The following EPN1 variants were observed in gnomAD, a reference collection of about 807,000 sequenced individuals.
EPN1 encodes epsin 1.
EPN1 carries 25 observed loss-of-function variants against 56.9 expected under a neutral mutation model. The observed-to-expected ratio is 0.44, with a 90% CI of 0.32 to 0.61. The LOEUF is 0.61. Ranked by LOEUF, EPN1 falls within the 20% of genes least tolerant of loss-of-function variation. The pLI is 0.05. For missense variants in EPN1, 785 were observed against 823.7 expected, an observed-to-expected ratio of 0.95 and a Z score of 0.58; for synonymous variants, 411 against 361.8, an observed-to-expected ratio of 1.14 and a Z score of -1.54.
In EPN1 at chr19:55,691,667, G is replaced by A. The variant is rs544896089; in HGVS notation, c.763-87G>A. 18 of 1,248,536 alleles carry A rather than the reference G, an allele frequency of 1.4e-5. No homozygotes were observed. Among genetic ancestry groups the A allele is most frequent in the South Asian group, 8.0e-5 (6 of 75,170 alleles). The allele number at this position is 1,248,536 out of a possible 1,614,324, so 77.3% of individuals were successfully genotyped here. ...CTGTCTGGACACCCAGGGCCTGGCC[G>A]CCTCCCCCGCCACGGGCCCCAGCTT... On this transcript the variant is annotated intron_variant, in intron 6 of 10. Coordinates refer to ENST00000270460, the MANE Select transcript of EPN1 (RefSeq NM_001130072.2). This position sits in a 1 kb window ranked among gnomAD's most constrained non-coding sequence, Gnocchi z 5.6.
chr19:55,681,870 C>T lies in EPN1; in HGVS notation c.228+3015C>T, dbSNP rs116983626. ...TAGCCCAGGCTGGAATCCAGCAGTA[C>T]AGTCATAGCTCACTGAGCCTTGACC... is the stretch of plus-strand genomic sequence containing the variant. On this transcript the variant is annotated intron_variant, in intron 2 of 10. Coordinates refer to ENST00000270460, the MANE Select transcript of EPN1 (RefSeq NM_001130072.2). 8.9e-4 allele frequency among the ~76,000 whole-genome samples: 135 copies of T among 151,890 alleles called. 4 individuals are homozygous for T. In the East Asian group the frequency reaches 0.026, roughly 29 times the overall value.
chr19:55,694,948 C>T lies in EPN1; in HGVS notation c.1487C>T (p.Pro496Leu). The T allele has an allele frequency of 1.3e-6, 2 of 1,559,448 alleles. No individual in the cohort carries two copies. Among genetic ancestry groups the T allele is most frequent in the Non-Finnish European group, 1.7e-6 (2 of 1,152,716 alleles). ...SLVSRPGPTP[P>L]GAKASNPFLP... ...GTGAGCCGGCCGGGCCCCACGCCGCCTGGAGCCAAGGCCTCCAACCCCTTC... is the reference window on the plus strand; with the variant it reads ...GTGAGCCGGCCGGGCCCCACGCCGCTTGGAGCCAAGGCCTCCAACCCCTTC... The change falls in exon 10 of 11, where the codon CCT (proline) becomes CTT (leucine). Residue 496 changes from proline to leucine, a missense_variant. Coordinates refer to ENST00000270460, the MANE Select transcript of EPN1 (RefSeq NM_001130072.2). The surrounding 1 kb of genome is among the most constrained non-coding windows in gnomAD (Gnocchi z 4.2).
chr19:55,695,629 C>T lies in EPN1; in HGVS notation c.*273C>T. On this transcript the variant is annotated 3_prime_UTR_variant, in exon 11 of 11. Transcript: ENST00000270460. This position sits in a 1 kb window ranked among gnomAD's most constrained non-coding sequence, Gnocchi z 4.4. ...TGGCTGGGGCCCCCACCCATTCCCC[C>T]TCCCTCCAAACTCCCAACCCCCAGT... The T allele has an allele frequency of 2.1e-6, 1 of 481,980 alleles. No homozygotes were observed. The highest frequency in any genetic ancestry group is 3.4e-5 in the South Asian group (1 of 29,792). 29.9% of individuals were successfully genotyped at this position (481,980 alleles called of 1,614,324 possible). A position where few individuals can be genotyped will look rare whatever the true frequency, so the allele number is the denominator to read the frequency against.
intron 3 of EPN1, 27 bp downstream of exon 3, chr19:55,685,672 G>A (rs201734498): frequency 2.8e-5 from 44 of 1,572,504 alleles, no homozygotes; most frequent in Admixed American, 5.5e-5. Context: ...GGCCCCTGAC[G>A]GCCTAGAGTC....
chr19:55,686,966 G>A lies in EPN1; in HGVS notation c.478+1321G>A, dbSNP rs141967660. 9.2e-3 allele frequency among the ~76,000 whole-genome samples: 1,401 copies of A among 152,134 alleles called. 22 individuals are homozygous for A. Among genetic ancestry groups the A allele is most frequent in the African/African-American group, 0.03 (1,230 of 41,480 alleles). On this transcript the variant is annotated intron_variant, in intron 3 of 10. Coordinates refer to ENST00000270460, the MANE Select transcript of EPN1 (RefSeq NM_001130072.2). ...CAAGGCCAGAGCTAATGTCCTCTGC[G>A]TTGCTGGCCACGCCTTCCCATCCTA...
chr19:55,685,284 G>A, intron 2 of EPN1, 112 bp from the exon 3 acceptor site: 2 of 1,373,036 alleles, frequency 1.5e-6, no homozygotes, highest in Non-Finnish European at 9.9e-7. Context: ...CTGGCGACAG[G>A]TGGGTTGTGG....
Position 55,705,636 on chromosome 19 carries a change from A to C in EPN1, c.*10280A>C, listed in dbSNP as rs537939275. On this transcript the variant is annotated 3_prime_UTR_variant, in exon 11 of 11. Transcript: ENST00000270460. Reference sequence around the variant, plus strand: ...TGCACTCCAGCATGGACAACAGAGCAAGACCCTTTCTTAGAAAAAAGAAAA... The same window carrying C: ...TGCACTCCAGCATGGACAACAGAGCCAGACCCTTTCTTAGAAAAAAGAAAA... 6.6e-6 allele frequency: 1 copy of C among 152,244 alleles called. No homozygotes were observed. The highest frequency in any genetic ancestry group is 2.1e-4 in the South Asian group (1 of 4,822). The allele number at this position is 152,244 out of a possible 1,614,324, so 9.4% of individuals were successfully genotyped here.
Position 55,697,604 on chromosome 19 carries a change from T to C in EPN1, c.*2248T>C, listed in dbSNP as rs1395134825. The C allele has an allele frequency of 6.6e-6, 1 of 152,086 alleles. No individual in the cohort carries two copies. Among genetic ancestry groups the C allele is most frequent in the Non-Finnish European group, 1.5e-5 (1 of 68,016 alleles). 9.4% of individuals were successfully genotyped at this position (152,086 alleles called of 1,614,324 possible). ...AAAAACCCAGAGGCTTGCACATAAATTTGGGGCTTAACTACAGCATCTTCG... is the reference window on the plus strand; with the variant it reads ...AAAAACCCAGAGGCTTGCACATAAACTTGGGGCTTAACTACAGCATCTTCG... On this transcript the variant is annotated 3_prime_UTR_variant, in exon 11 of 11. Transcript: ENST00000270460.
In EPN1 at chr19:55,696,656, A is replaced by G. The variant is rs530467002; in HGVS notation, c.*1300A>G. On this transcript the variant is annotated 3_prime_UTR_variant, in exon 11 of 11. Transcript: ENST00000270460. ...GGCCAGACAGCTACATCACAGGGAC[A>G]CTTGTTATGGGTCGGGGTCCAGGGA... 6.6e-6 allele frequency: 1 copy of G among 152,434 alleles called. No individual in the cohort carries two copies. The highest frequency in any genetic ancestry group is 2.4e-5 in the African/African-American group (1 of 41,554). The allele number at this position is 152,434 out of a possible 1,614,324, so 9.4% of individuals were successfully genotyped here.
Position 55,707,048 on chromosome 19 carries a change from G to A in EPN1, c.*11692G>A, listed in dbSNP as rs1311392915. ...AAACAAAAACTAGCAGGGCATGGTG[G>A]CGCATGCCTGAAATCCCAGCTACTC... On this transcript the variant is annotated 3_prime_UTR_variant, in exon 11 of 11. Transcript: ENST00000270460. The A allele has an allele frequency of 6.6e-6, 1 of 152,206 alleles. No homozygotes were observed. 9.4% of individuals were successfully genotyped at this position (152,206 alleles called of 1,614,324 possible). A position where few individuals can be genotyped will look rare whatever the true frequency, so the allele number is the denominator to read the frequency against.
At chr19:55,677,590 C>T (rs1473704644) in intron 1 of EPN1, 2 of 1,549,176 alleles carry the variant, frequency 1.3e-6, no homozygotes, top group East Asian at 2.4e-5. Context: ...AGGTAATGTC[C>T]CTCTTGTGCT....
rs986000204 is a variant in EPN1, at chr19:55,694,656, C to T, written c.1265-70C>T. ...TCTTTGAAGCGCCCCCTATGATGGC[C>T]TATACTGCTCCCGGGTTGGAGCCTC... On this transcript the variant is annotated intron_variant, in intron 9 of 10. Coordinates refer to ENST00000270460, the MANE Select transcript of EPN1 (RefSeq NM_001130072.2). The surrounding 1 kb of genome is among the most constrained non-coding windows in gnomAD (Gnocchi z 4.2). 8 of 1,498,458 alleles carry T rather than the reference C, an allele frequency of 5.3e-6. No individual in the cohort carries two copies. In the African/African-American group the frequency reaches 8.4e-5, roughly 16 times the overall value. The allele number at this position is 1,498,458 out of a possible 1,614,324, so 92.8% of individuals were successfully genotyped here.
rs112836258 is a variant in EPN1 at position 55,706,668 on chromosome 19, G to GGGGAA, written c.*11322_*11326dup. ...GAAGGAAAAGGAAAGAAAGAAAAGA[G>GGGGAA]GGGAAGGGAAGGGAGAGATTTAAAA... is the stretch of plus-strand genomic sequence containing the variant. On this transcript the variant is annotated 3_prime_UTR_variant, in exon 11 of 11. Transcript: ENST00000270460. 60,256 of 149,384 alleles carry GGGGAA rather than the reference G, an allele frequency of 0.4. 13,684 individuals carry two copies. The highest frequency in any genetic ancestry group is 0.62 in the African/African-American group (24,666 of 40,096). 9.3% of individuals were successfully genotyped at this position (149,384 alleles called of 1,614,324 possible).
chr19:55,706,528 T>G lies in EPN1; in HGVS notation c.*11172T>G, dbSNP rs1156525051. 3 of 151,960 alleles carry G rather than the reference T, an allele frequency of 2.0e-5. No individual in the cohort carries two copies. The highest frequency in any genetic ancestry group is 7.3e-5 in the African/African-American group (3 of 41,314). 9.4% of individuals were successfully genotyped at this position (151,960 alleles called of 1,614,324 possible). On this transcript the variant is annotated 3_prime_UTR_variant, in exon 11 of 11. Coordinates refer to ENST00000270460, the MANE Select transcript of EPN1 (RefSeq NM_001130072.2). ...TTAGCCGGGCATGATGGCAGATGCC[T>G]GTAATCTCAGCTCCTCAGTAGGCTA... is the stretch of plus-strand genomic sequence containing the variant.
rs747616967 is a variant in EPN1, at chr19:55,709,096, A to G, written c.*13740A>G. 3 of 1,369,600 alleles carry G rather than the reference A, an allele frequency of 2.2e-6. No individual in the cohort carries two copies. Among genetic ancestry groups the G allele is most frequent in the Admixed American group, 5.2e-5 (2 of 38,228 alleles). 84.8% of individuals were successfully genotyped at this position (1,369,600 alleles called of 1,614,324 possible). On this transcript the variant is annotated 3_prime_UTR_variant, in exon 11 of 11. Transcript: ENST00000270460. ...TTTTTGTTTTTCATTTTTACACAGT[A>G]TTGCCTCTCTACATTCTGATGTCTA...
At position 55,694,199 on chromosome 19, in the gene EPN1, AC is replaced by A. The variant is rs1230161938; in HGVS notation, c.1265-526del. On this transcript the variant is annotated intron_variant, in intron 9 of 10. Transcript: ENST00000270460. The surrounding 1 kb of genome is among the most constrained non-coding windows in gnomAD (Gnocchi z 4.2). ...GCGCCATTGCGCTCCAACTGGGGAA[AC>A]GAGCGACACTCCGTCTCAGAAAAAA... 17 of 150,736 alleles carry A rather than the reference AC, an allele frequency of 1.1e-4. No individual in the cohort carries two copies. The highest frequency in any genetic ancestry group is 3.9e-4 in the African/African-American group (16 of 40,800). 9.3% of individuals were successfully genotyped at this position (150,736 alleles called of 1,614,324 possible).
chr19:55,675,284 C>T lies in EPN1; in HGVS notation c.-253C>T, dbSNP rs907255982. 1 of 152,016 alleles carries T rather than the reference C, an allele frequency of 6.6e-6. No individual in the cohort carries two copies. The highest frequency in any genetic ancestry group is 2.4e-5 in the African/African-American group (1 of 41,424). 9.4% of individuals were successfully genotyped at this position (152,016 alleles called of 1,614,324 possible). A position where few individuals can be genotyped will look rare whatever the true frequency, so the allele number is the denominator to read the frequency against. On this transcript the variant is annotated 5_prime_UTR_variant, in exon 1 of 11. Coordinates refer to ENST00000270460, the MANE Select transcript of EPN1 (RefSeq NM_001130072.2). ...CCCCGCCCGGCTCTCCGCGCCCCTTCTGGGCGGCGGGGCGGCGGAGCCGTC... is the reference window on the plus strand; with the variant it reads ...CCCCGCCCGGCTCTCCGCGCCCCTTTTGGGCGGCGGGGCGGCGGAGCCGTC...
rs748722375 is a variant in EPN1 at position 55,693,009 on chromosome 19, G to T, written c.1236G>T (p.Thr412=). 3.7e-6 allele frequency: 6 copies of T among 1,613,250 alleles called. No homozygotes were observed. Among genetic ancestry groups the T allele is most frequent in the Non-Finnish European group, 5.1e-6 (6 of 1,179,534 alleles). ...DEFSDFDRLR[T]ALPTSGSSAG... ...TCTCTGACTTTGACCGACTCCGCAC[G>T]GCACTGCCGACCTCCGGGAGCAGCG... Residue 412 remains threonine (T), a synonymous_variant, in exon 9 of 11, where the codon ACG becomes ACT. Coordinates refer to ENST00000270460, the MANE Select transcript of EPN1 (RefSeq NM_001130072.2).
At position 55,696,721 on chromosome 19, in the gene EPN1, C is replaced by T. The variant is rs1453314275; in HGVS notation, c.*1365C>T. On this transcript the variant is annotated 3_prime_UTR_variant, in exon 11 of 11. Transcript: ENST00000270460. ...GAGTGTTGGAGGCCACTGAGAGGGA[C>T]ATGACTGCGGTGTCCGAGCAGCGTC... The T allele has an allele frequency of 6.6e-6, 1 of 152,304 alleles. No homozygotes were observed. Among genetic ancestry groups the T allele is most frequent in the Non-Finnish European group, 1.5e-5 (1 of 68,114 alleles). 9.4% of individuals were successfully genotyped at this position (152,304 alleles called of 1,614,324 possible). A position where few individuals can be genotyped will look rare whatever the true frequency, so the allele number is the denominator to read the frequency against.
Sources: allele counts gnomAD v4.1 joint callset (sites outside exome capture counted in the v4.1 genomes callset), GRCh38; gene constraint gnomAD v4.1.1; non-coding constraint Gnocchi (gnomAD v3.1); transcripts MANE v1.5; gene names NCBI Gene and HGNC (gene_info 2026-07-23, HGNC 2026-07-21).